Variants in CHPT1 observed in about 807,000 individuals in gnomAD.
The protein encoded by CHPT1 is choline phosphotransferase 1.
CHPT1 carries 36 observed loss-of-function variants against 47.6 expected under a neutral mutation model. The observed-to-expected ratio is 0.76, with a 90% confidence interval of 0.58 to 1.00. The LOEUF (loss-of-function observed/expected upper bound fraction) is 1.00. Among genes scored for constraint, CHPT1 ranks in the 50% least tolerant of loss-of-function variants. The probability of loss-of-function intolerance (pLI) is 0.00; values close to 1 mark genes in which losing one functional copy is unlikely to be tolerated. For synonymous variants in CHPT1, 194 were observed against 186.3 expected, an observed-to-expected ratio of 1.04 and a Z score of -0.33; for missense variants, 458 against 498.1, an observed-to-expected ratio of 0.92 and a Z score of 0.77.
chr12:101,728,802 A>C, intron 8 of CHPT1, 99 bp from the exon 9 acceptor site: 1 of 1,412,776 alleles, frequency 7.1e-7, no homozygotes, highest in East Asian at 2.3e-5. Flanking sequence ...GAGGTCTTAC[A>C]ATGAAACAGG....
At chr12:101,717,372 A>G (rs1951779671) in intron 4 of CHPT1, 4 of 448,978 alleles carry the variant, frequency 8.9e-6, no homozygotes, top group South Asian at 1.6e-5. Flanking sequence ...TTTCTGAAGA[A>G]ACAGTTGTCC....
chr12:101,719,280 G>T (rs1395440730), intron 4 of CHPT1, among the ~76,000 whole-genome samples: 2 of 151,770 alleles, frequency 1.3e-5, no homozygotes, highest in East Asian at 3.9e-4. Context: ...TTCACTCAAT[G>T]TTTTGGCAAT....
chr12:101,722,933 C>T (rs952392312), intron 5 of CHPT1, among the ~76,000 whole-genome samples: 4 of 152,064 alleles, frequency 2.6e-5, no homozygotes, highest in South Asian at 4.1e-4. Context: ...CAGTTTAAAA[C>T]GTGTGTGAAT....
At chr12:101,700,643 TA>T (rs1327188969) in intron 1 of CHPT1, among the ~76,000 whole-genome samples, 1 of 152,182 alleles carries the variant, frequency 6.6e-6, no homozygotes, top group Non-Finnish European at 1.5e-5. Flanking sequence ...ACTTCAAAAA[TA>T]AAAAGATCCT....
In CHPT1 at chr12:101,714,542, G is replaced by A; in HGVS notation, c.460G>A (p.Gly154Arg). ...AVGASIAARL[G>R]TYPDWFFFCS... The stretch of plus-strand genomic sequence containing the variant: ...GGGAGCTTCAATTGCCGCTCGCTTA[G>A]GAACTTATCCTGACTGGTTTTTTTT... The change falls in exon 3 of 9, where the codon GGA becomes AGA. Residue 154 changes from glycine (G) to arginine (R), a missense_variant. By Grantham distance (125) the Gly-to-Arg change is moderately radical. Transcript: ENST00000229266. 1.2e-6 allele frequency: 2 copies of A among 1,611,634 alleles called. No individual in the cohort carries two copies. Among genetic ancestry groups the A allele is most frequent in the South Asian group, 1.1e-5 (1 of 90,598 alleles).
chr12:101,711,280 G>C lies in CHPT1; in HGVS notation c.274-2810G>C, dbSNP rs920639216. Among the ~76,000 whole-genome samples, 2 of 148,662 alleles carry C rather than the reference G, an allele frequency of 1.3e-5. 1 individual carries two copies. Among genetic ancestry groups the C allele is most frequent in the Non-Finnish European group, 3.0e-5 (2 of 66,428 alleles). On this transcript the variant is annotated intron_variant, in intron 1 of 8. Coordinates refer to ENST00000229266, the MANE Select transcript of CHPT1 (RefSeq NM_020244.3). ...TCACAATAGCCAAAATACAGAAACA[G>C]CCTAAGTGTCTGTTAACATATGAAT... is the stretch of plus-strand genomic sequence containing the variant.
intron 2 of CHPT1, 107 bp downstream of exon 2, chr12:101,714,344 G>C (rs1951734489): frequency 8.4e-7 from 1 of 1,192,466 alleles, no homozygotes; most frequent in Admixed American, 2.6e-5. Flanking sequence ...CAAATGTATG[G>C]AGTTGTTTAA....
At chr12:101,719,836 A>G (rs1397192711) in intron 4 of CHPT1, 1 of 221,716 alleles carries the variant, frequency 4.5e-6, no homozygotes, top group Non-Finnish European at 8.8e-6. Flanking sequence ...CAGTTATCTC[A>G]ATTGATTGCT....
At chr12:101,718,295 A>T (rs761607315) in intron 4 of CHPT1, among the ~76,000 whole-genome samples, 2 of 152,150 alleles carry the variant, frequency 1.3e-5, no homozygotes, top group East Asian at 3.9e-4. Context: ...TGACGTGTCA[A>T]TGTAGGTTCA....
intron 1 of CHPT1, among the ~76,000 whole-genome samples, chr12:101,702,953 C>T (rs993301606): frequency 1.3e-5 from 2 of 152,058 alleles, no homozygotes; most frequent in African/African-American, 4.8e-5. Flanking sequence ...CACCCTTAGT[C>T]CCCGGCCATC....
chr12:101,722,372 A>G (rs1235934842), intron 5 of CHPT1, among the ~76,000 whole-genome samples: 5 of 152,178 alleles, frequency 3.3e-5, no homozygotes, highest in Non-Finnish European at 7.3e-5. Flanking sequence ...AACCCATTTA[A>G]ATTGGTTATA....
rs1267799602 is a variant in CHPT1, at chr12:101,723,169, G to T, written c.782G>T (p.Gly261Val). 6.2e-7 allele frequency: 1 copy of T among 1,610,882 alleles called. No individual in the cohort carries two copies. Among genetic ancestry groups the T allele is most frequent in the African/African-American group, 1.3e-5 (1 of 74,776 alleles). Residue 261 changes from glycine to valine, a missense_variant and splice_region_variant, in exon 6 of 9, where the codon GGC becomes GTC. Gly to Val is a moderately radical substitution (Grantham distance 109). Transcript: ENST00000229266. ...CTGATTTTCTGCTTTATCCCTTAGGGCACCAGTGTCTTGTCACCTGGACTC... is the reference window on the plus strand; with the variant it reads ...CTGATTTTCTGCTTTATCCCTTAGGTCACCAGTGTCTTGTCACCTGGACTC... ...GVGKNGSTIA[G>V]TSVLSPGLHI... is the part of the protein sequence containing the mutation.
chr12:101,718,802 C>T (rs1045763029), intron 4 of CHPT1, among the ~76,000 whole-genome samples: 4 of 151,966 alleles, frequency 2.6e-5, no homozygotes, highest in African/African-American at 9.7e-5. Context: ...TTCATATTCC[C>T]TCTCATCATG....
chr12:101,724,338 C>A (rs1420824414), intron 7 of CHPT1, among the ~76,000 whole-genome samples: 1 of 152,002 alleles, frequency 6.6e-6, no homozygotes, highest in Non-Finnish European at 1.5e-5. Context: ...GGCCACATAT[C>A]TATAGGCCAG....
intron 1 of CHPT1, among the ~76,000 whole-genome samples, chr12:101,699,174 G>A (rs1951513182): frequency 1.3e-5 from 2 of 151,402 alleles, no homozygotes; most frequent in Non-Finnish European, 1.5e-5. Context: ...TGCAACCTCC[G>A]CCTTCAGGGT....
chr12:101,728,298 G>C (rs546382848), intron 8 of CHPT1: 1 of 152,594 alleles, frequency 6.6e-6, no homozygotes, highest in African/African-American at 2.4e-5. Flanking sequence ...TAAGAAATTA[G>C]GTATGTTAAT....
At chr12:101,699,250 A>C (rs1951514635) in intron 1 of CHPT1, among the ~76,000 whole-genome samples, 1 of 150,756 alleles carries the variant, frequency 6.6e-6, no homozygotes, top group Non-Finnish European at 1.5e-5. Context: ...ACCACGGCCG[A>C]CTCACTTTTG....
intron 1 of CHPT1, among the ~76,000 whole-genome samples, chr12:101,705,854 T>C (rs368349547): frequency 0.2 from 26,992 of 136,908 alleles, 2,862 homozygotes; most frequent in Middle Eastern, 0.27. Context: ...GCCTCCCAAG[T>C]AGCTGGGATT....
At chr12:101,722,732 T>C (rs796812948) in intron 5 of CHPT1, among the ~76,000 whole-genome samples, 2 of 127,688 alleles carry the variant, frequency 1.6e-5, no homozygotes, top group African/African-American at 5.9e-5. Flanking sequence ...AAAAAGAAAA[T>C]AGGAAAAAAG....
Sources: gnomAD v4.1 joint callset for allele counts (sites outside exome capture counted in the v4.1 genomes callset) on GRCh38, gnomAD v4.1.1 for gene constraint, MANE v1.5 for transcripts, NCBI Gene and HGNC (gene_info 2026-07-23, HGNC 2026-07-21) for gene names.